EMCN: variants seen among roughly 807,000 people sequenced by gnomAD.
EMCN encodes endomucin.
Under a neutral mutation model 38.4 loss-of-function variants are expected in EMCN, and 37 were observed. The ratio of observed to expected loss-of-function variants is 0.96; its 90% confidence interval spans 0.74 to 1.27. EMCN has a LOEUF of 1.27. EMCN is among the 50% of genes most tolerant of loss of function. The pLI, the probability that EMCN is intolerant of heterozygous loss-of-function variation, is 0.00. For synonymous variants in EMCN, 95 were observed against 100.8 expected (o/e 0.94, Z 0.35); for missense variants, 318 against 302.8 (o/e 1.05, Z -0.37).
chr4:100,443,836 C>G (rs2110239200), intron 5 of EMCN, among the ~76,000 whole-genome samples: 1 of 152,272 alleles, frequency 6.6e-6, no homozygotes, highest in East Asian at 1.9e-4. Flanking sequence ...CATGGGACAC[C>G]ACTGGCACAG....
intron 1 of EMCN, among the ~76,000 whole-genome samples, chr4:100,514,609 C>T (rs1416697885): frequency 1.3e-5 from 2 of 152,032 alleles, no homozygotes; most frequent in African/African-American, 4.8e-5. Context: ...ATTTCTCATC[C>T]TGGTATTCAA....
chr4:100,450,151 T>A (rs1237131897), intron 4 of EMCN, among the ~76,000 whole-genome samples: 1 of 151,968 alleles, frequency 6.6e-6, no homozygotes, highest in African/African-American at 2.4e-5. Flanking sequence ...CTTAAAAGAA[T>A]CTCAGAAAAG....
chr4:100,423,274 G>A, intron 6 of EMCN, 38 bp downstream of exon 6: 1 of 1,504,010 alleles, frequency 6.6e-7, no homozygotes, highest in Non-Finnish European at 9.3e-7. Flanking sequence ...AAAGGGTCAG[G>A]TAGAGCAGAT....
At chr4:100,513,632 A>G (rs79365423) in intron 1 of EMCN, among the ~76,000 whole-genome samples, 1 of 152,254 alleles carries the variant, frequency 6.6e-6, no homozygotes, top group East Asian at 1.9e-4. Context: ...AACCTTTGAT[A>G]AGAATCCCTT....
intron 9 of EMCN, among the ~76,000 whole-genome samples, 154 bp from the exon 10 acceptor site, chr4:100,416,113 C>CATAT (rs35553330): frequency 1.1e-3 from 160 of 147,806 alleles, no homozygotes; most frequent in South Asian, 2.1e-3. Context: ...TGTATACATA[C>CATAT]ATATATATAT....
Position 100,397,910 on chromosome 4 carries a change from A to G in EMCN, c.*503T>C, listed in dbSNP as rs1315488843. The G allele has an allele frequency of 6.6e-6, 1 of 152,184 alleles. No individual in the cohort carries two copies. Among genetic ancestry groups the G allele is most frequent in the Non-Finnish European group, 1.5e-5 (1 of 68,022 alleles). The allele number at this position is 152,184 out of a possible 1,614,324, so 9.4% of individuals were successfully genotyped here. The stretch of plus-strand genomic sequence containing the variant: ...ACTTATATGTACAAAGTAGCATGGT[A>G]TGATTTCTACCTAATATTTAATAAT... On this transcript the variant is annotated 3_prime_UTR_variant, in exon 12 of 12. Transcript: ENST00000296420.
intron 3 of EMCN, among the ~76,000 whole-genome samples, chr4:100,472,756 T>C (rs1465269510): frequency 6.6e-6 from 1 of 151,996 alleles, no homozygotes; most frequent in Non-Finnish European, 1.5e-5. Context: ...ATCAAGAGTA[T>C]ATGATTCTGA....
At chr4:100,474,210 G>T (rs1728572502) in intron 3 of EMCN, 1 of 152,150 alleles carries the variant, frequency 6.6e-6, no homozygotes, top group African/African-American at 2.4e-5. Context: ...CAAAGAATTT[G>T]AGCGGACATT....
chr4:100,473,365 G>GGTT (rs1728533364), intron 3 of EMCN, among the ~76,000 whole-genome samples: 3 of 29,840 alleles, frequency 1.0e-4, no homozygotes, highest in African/African-American at 2.4e-4. Context: ...CCCGTTTCGT[G>GGTT]TTTTTTTGTT....
At chr4:100,420,326 G>A (rs1354418943) in intron 8 of EMCN, among the ~76,000 whole-genome samples, 3 of 147,926 alleles carry the variant, frequency 2.0e-5, no homozygotes, top group Non-Finnish European at 4.5e-5. Context: ...TGAAGAAGTG[G>A]TATGTTATAA....
chr4:100,448,826 C>CCTTCCTTCCTTCTTTCCTT lies in EMCN; in HGVS notation c.377-1256_377-1255insAAGGAAAGAAGGAAGGAAG, dbSNP rs1179151604. 5.0e-5 allele frequency among the ~76,000 whole-genome samples: 7 copies of CCTTCCTTCCTTCTTTCCTT among 139,246 alleles called. 1 individual carries two copies. Among genetic ancestry groups the CCTTCCTTCCTTCTTTCCTT allele is most frequent in the South Asian group, 2.3e-4 (1 of 4,342 alleles). The allele number at this position is 139,246 out of a possible 152,430, so 91.4% of individuals were successfully genotyped here. ...TTCCTTCCTTCCTTCCTTCCTTCCT[C>CCTTCCTTCCTTCTTTCCTT]CCTCCCTCCCTCCCTCCCTTCCTTG... On this transcript the variant is annotated intron_variant, in intron 4 of 11. Coordinates refer to ENST00000296420, the MANE Select transcript of EMCN (RefSeq NM_016242.4).
At chr4:100,448,955 T>C (rs1184255758) in intron 4 of EMCN, among the ~76,000 whole-genome samples, 2 of 151,950 alleles carry the variant, frequency 1.3e-5, no homozygotes, top group Non-Finnish European at 1.5e-5. Context: ...CCTTTTCACA[T>C]CATTCCATCT....
intron 1 of EMCN, among the ~76,000 whole-genome samples, chr4:100,502,218 A>G (rs1287836769): frequency 1.3e-5 from 2 of 152,158 alleles, no homozygotes; most frequent in Admixed American, 1.3e-4. Context: ...CTAATTTCTT[A>G]TTATGCAAAT....
At chr4:100,475,508 T>C (rs934799836) in intron 2 of EMCN, among the ~76,000 whole-genome samples, 2 of 151,868 alleles carry the variant, frequency 1.3e-5, no homozygotes, top group Admixed American at 6.6e-5. Context: ...ATGCCTTTTT[T>C]TTTTCTAGAA....
intron 5 of EMCN, among the ~76,000 whole-genome samples, chr4:100,437,489 C>T (rs576168684): frequency 2.0e-5 from 3 of 150,968 alleles, no homozygotes; most frequent in Admixed American, 1.3e-4. Flanking sequence ...GAGGCCAATG[C>T]CCAGCAGATT....
chr4:100,398,729 A>T (rs1726177780), intron 11 of EMCN, among the ~76,000 whole-genome samples: 1 of 151,982 alleles, frequency 6.6e-6, no homozygotes, highest in African/African-American at 2.4e-5. Flanking sequence ...CACATCATGA[A>T]ATTTTTAACC....
chr4:100,497,763 T>C (rs1729248542), intron 1 of EMCN, among the ~76,000 whole-genome samples: 1 of 151,930 alleles, frequency 6.6e-6, no homozygotes, highest in Non-Finnish European at 1.5e-5. Flanking sequence ...AAAAATAATT[T>C]GAGAAATTAT....
Position 100,517,918 on chromosome 4 carries a change from G to C in EMCN, c.-4C>G, listed in dbSNP as rs1404791386. 2.5e-6 allele frequency: 4 copies of C among 1,612,486 alleles called. No homozygotes were observed. Among genetic ancestry groups the C allele is most frequent in the Non-Finnish European group, 3.4e-6 (4 of 1,178,832 alleles). ...TGGTCACTTGAAGCAGTTCCATGGT[G>C]CCCGTAGATGGTGTCAATATCTTCT... On this transcript the variant is annotated 5_prime_UTR_variant, in exon 1 of 12. Transcript: ENST00000296420.
At chr4:100,460,479 G>A (rs574424431) in intron 4 of EMCN, among the ~76,000 whole-genome samples, 18 of 152,228 alleles carry the variant, frequency 1.2e-4, no homozygotes, top group South Asian at 2.1e-4. Flanking sequence ...CAGGGGAGGC[G>A]TCACAATCAT....
Sources: gnomAD v4.1 joint callset for allele counts (sites outside exome capture counted in the v4.1 genomes callset) on GRCh38, gnomAD v4.1.1 for gene constraint, MANE v1.5 for transcripts, NCBI Gene and HGNC (gene_info 2026-07-23, HGNC 2026-07-21) for gene names.